LOC400499: variants seen among roughly 807,000 people sequenced by gnomAD.
chr16:11,479,324 T>C, the LOC400499 span, among the ~76,000 whole-genome samples: 3 of 152,132 alleles, frequency 2.0e-5, no homozygotes, highest in Non-Finnish European at 4.4e-5. Flanking sequence ...ACGGAAAAGT[T>C]GAAAACTGGC....
the LOC400499 span, among the ~76,000 whole-genome samples, chr16:11,473,578 A>G: frequency 6.6e-6 from 1 of 151,906 alleles, no homozygotes; most frequent in Non-Finnish European, 1.5e-5. Flanking sequence ...AATGTGGTAA[A>G]ACCCTGTCTC....
the LOC400499 span, among the ~76,000 whole-genome samples, chr16:11,510,211 C>T: frequency 7.3e-6 from 1 of 137,826 alleles, no homozygotes; most frequent in Non-Finnish European, 1.7e-5. Context: ...TTCAATGCTC[C>T]TTAGCAAAGG....
At chr16:11,462,328 G>A in the LOC400499 span, 15 of 1,450,360 alleles carry the variant, frequency 1.0e-5, 1 homozygote, top group Non-Finnish European at 1.2e-5. Context: ...GTGTCACCTG[G>A]GAGGACAGGC....
At chr16:11,508,910 T>C in the LOC400499 span, 2 of 398,684 alleles carry the variant, frequency 5.0e-6, no homozygotes, top group Non-Finnish European at 8.9e-6. Context: ...CAGAGTGAGC[T>C]AGAAAGCCCT....
chr16:11,383,985 A>G, the LOC400499 span: 44 of 1,231,768 alleles, frequency 3.6e-5, no homozygotes, highest in Non-Finnish European at 9.1e-6. Flanking sequence ...GAGGCTTCTC[A>G]GTGGCCCTGC....
the LOC400499 span, among the ~76,000 whole-genome samples, chr16:11,447,499 G>A: frequency 6.6e-6 from 1 of 152,252 alleles, no homozygotes; most frequent in African/African-American, 2.4e-5. Flanking sequence ...CTCTGCCAAC[G>A]ATGCTGCTGT....
At chr16:11,382,882 G>C in the LOC400499 span, among the ~76,000 whole-genome samples, 1 of 152,118 alleles carries the variant, frequency 6.6e-6, no homozygotes, top group Non-Finnish European at 1.5e-5. Context: ...GCTTAGTAGG[G>C]GGTAGGGAAT....
chr16:11,523,155 G>A, the LOC400499 span, among the ~76,000 whole-genome samples: 2 of 152,142 alleles, frequency 1.3e-5, no homozygotes, highest in Admixed American at 6.5e-5. Flanking sequence ...TCCACCTGGG[G>A]CCCACAGGCA....
At chr16:11,420,378 G>C in the LOC400499 span, among the ~76,000 whole-genome samples, 1 of 144,602 alleles carries the variant, frequency 6.9e-6, no homozygotes, top group Admixed American at 7.3e-5. Flanking sequence ...CTCACTCATA[G>C]ATGGGAATTG....
At chr16:11,403,540 C>T in the LOC400499 span, among the ~76,000 whole-genome samples, 3 of 152,222 alleles carry the variant, frequency 2.0e-5, no homozygotes, top group African/African-American at 7.2e-5. Context: ...TGGGGACCTG[C>T]TCACTTCCTC....
the LOC400499 span, chr16:11,469,274 G>C: frequency 4.5e-5 from 18 of 399,242 alleles, no homozygotes; most frequent in African/African-American, 3.1e-4. Context: ...CAAAACAAGA[G>C]TTTAGAGACA....
chr16:11,506,668 C>T, the LOC400499 span, among the ~76,000 whole-genome samples: 1 of 152,104 alleles, frequency 6.6e-6, no homozygotes, highest in African/African-American at 2.4e-5. Flanking sequence ...CCACCCTCTG[C>T]CCCCCACATC....
the LOC400499 span, among the ~76,000 whole-genome samples, chr16:11,394,193 C>T: frequency 6.6e-6 from 1 of 152,200 alleles, no homozygotes; most frequent in Non-Finnish European, 1.5e-5. Context: ...CACGGGCACA[C>T]CTGGCATAAC....
the LOC400499 span, among the ~76,000 whole-genome samples, chr16:11,438,015 C>A: frequency 6.6e-6 from 1 of 152,182 alleles, no homozygotes; most frequent in Non-Finnish European, 1.5e-5. Context: ...CACCCAAGAT[C>A]TTCCACTGGT....
At chr16:11,472,809 T>C in the LOC400499 span, 1 of 152,176 alleles carries the variant, frequency 6.6e-6, no homozygotes, top group Non-Finnish European at 1.5e-5. Context: ...ATGTCTTTGG[T>C]AGTAACTCTT....
At chr16:11,478,059 T>C in the LOC400499 span, 1 of 397,374 alleles carries the variant, frequency 2.5e-6, no homozygotes, top group East Asian at 3.6e-5. Flanking sequence ...ACGCCTGTAA[T>C]CCCAGCACTT....
chr16:11,407,827 G>A, the LOC400499 span, among the ~76,000 whole-genome samples: 1 of 152,136 alleles, frequency 6.6e-6, no homozygotes, highest in South Asian at 2.1e-4. Context: ...ACGGGTTGCT[G>A]CGAAAATTGT....
the LOC400499 span, chr16:11,450,852 A>T: frequency 8.6e-6 from 13 of 1,515,590 alleles, no homozygotes; most frequent in South Asian, 1.6e-4. Flanking sequence ...AATCTGGTAC[A>T]CGGGGTAGAG....
chr16:11,492,886 G>A, the LOC400499 span, among the ~76,000 whole-genome samples: 1 of 152,166 alleles, frequency 6.6e-6, no homozygotes, highest in South Asian at 2.1e-4. Flanking sequence ...AATTTCAGGT[G>A]AAATTGTCAA....
Sources: allele counts gnomAD v4.1 joint callset (sites outside exome capture counted in the v4.1 genomes callset), GRCh38; gene constraint gnomAD v4.1.1; transcripts MANE v1.5.